The following SNRPN variants were observed in gnomAD, a reference collection of about 807,000 sequenced individuals.
SNRPN encodes the protein small nuclear ribonucleoprotein polypeptide N, also known as small nuclear ribonucleoprotein-associated protein N.
Under a neutral mutation model 25.2 loss-of-function variants are expected in SNRPN, and 7 were observed. The ratio of observed to expected loss-of-function variants is 0.28; its 90% CI spans 0.16 to 0.52. The LOEUF is 0.52. SNRPN is among the 20% of genes least tolerant of loss of function. SNRPN has a pLI of 0.96. For missense variants in SNRPN, 196 were observed against 322.5 expected (o/e 0.61, Z 3.00); for synonymous variants, 124 against 110.6 (o/e 1.12, Z -0.76).
At chr15:24,843,143 G>A (rs905080749) in intron 2 of SNRPN, among the ~76,000 whole-genome samples, 2 of 151,812 alleles carry the variant, frequency 1.3e-5, no homozygotes, top group African/African-American at 2.4e-5. Context: ...CTGCAACCTC[G>A]GCTCACTGCA....
chr15:24,849,327 A>G (rs1595449090), intron 2 of SNRPN: 1 of 152,230 alleles, frequency 6.6e-6, no homozygotes, highest in South Asian at 2.1e-4. Context: ...AACTGATCAT[A>G]CAATTACAAA....
intron 2 of SNRPN, among the ~76,000 whole-genome samples, chr15:24,912,791 T>G (rs559874680): frequency 4.6e-5 from 7 of 152,282 alleles, no homozygotes; most frequent in Non-Finnish European, 7.3e-5. Context: ...TCATGGCTCC[T>G]CCACAGGATG....
At chr15:24,902,751 C>A (rs1239033318) in intron 2 of SNRPN, among the ~76,000 whole-genome samples, 1 of 152,160 alleles carries the variant, frequency 6.6e-6, no homozygotes, top group Non-Finnish European at 1.5e-5. Context: ...CATGGTCTCG[C>A]CGGCTTCAGG....
chr15:24,908,056 A>G (rs1490644532), intron 2 of SNRPN, among the ~76,000 whole-genome samples: 1 of 71,456 alleles, frequency 1.4e-5, no homozygotes, highest in Non-Finnish European at 2.3e-5. Context: ...CCATCTCAAA[A>G]AAAAAAAAAA....
intron 3 of SNRPN, among the ~76,000 whole-genome samples, chr15:24,939,014 C>T (rs2061398644): frequency 6.6e-6 from 1 of 152,036 alleles, no homozygotes; most frequent in Admixed American, 6.6e-5. Context: ...AAAGCCAGAG[C>T]AACAAAAATA....
At chr15:24,833,569 G>A (rs958430804) in intron 2 of SNRPN, among the ~76,000 whole-genome samples, 1 of 152,068 alleles carries the variant, frequency 6.6e-6, no homozygotes, top group African/African-American at 2.4e-5. Flanking sequence ...ATTGCATAGG[G>A]AGGGAACCAC....
At chr15:24,955,205 C>G in intron 1 of SNRPN, 143 bp downstream of exon 1, 1 of 1,161,280 alleles carries the variant, frequency 8.6e-7, no homozygotes, top group Non-Finnish European at 1.3e-6. Context: ...AGAACCAGAT[C>G]CGGAATGTTC....
chr15:24,879,965 T>A (rs2056417620), intron 1 of SNRPN, among the ~76,000 whole-genome samples: 1 of 152,204 alleles, frequency 6.6e-6, no homozygotes, highest in African/African-American at 2.4e-5. Context: ...CCTGTTGAGT[T>A]AATCAGCAAC....
chr15:24,847,992 G>C (rs2052354095), intron 2 of SNRPN, among the ~76,000 whole-genome samples: 1 of 151,896 alleles, frequency 6.6e-6, no homozygotes, highest in Non-Finnish European at 1.5e-5. Flanking sequence ...AAGCCTTGAT[G>C]GGTTATTATT....
At chr15:24,906,391 C>T (rs1238998749) in intron 2 of SNRPN, among the ~76,000 whole-genome samples, 1 of 152,166 alleles carries the variant, frequency 6.6e-6, no homozygotes, top group Non-Finnish European at 1.5e-5. Context: ...CCTTGACCTC[C>T]CAAAGTGCTG....
intron 3 of SNRPN, among the ~76,000 whole-genome samples, chr15:24,932,146 TAC>T (rs1220643216): frequency 6.6e-6 from 1 of 152,144 alleles, no homozygotes; most frequent in Admixed American, 6.6e-5. Context: ...TTAAGGGGGA[TAC>T]AGTCAACCAG....
rs755883505 is a variant in SNRPN, at chr15:24,872,747, G to GAA, written c.-578-13749_-578-13748dup. Reference sequence around the variant, plus strand: ...GGCAATAAGAGTGAAACTCCGTCTCGAAAAAAAAAAAAAAAAAAAAAGCTG... The same window carrying GAA: ...GGCAATAAGAGTGAAACTCCGTCTCGAAAAAAAAAAAAAAAAAAAAAAAGCTG... On this transcript the variant is annotated intron_variant, in intron 1 of 11. Coordinates refer to the SNRPN transcript ENST00000400097. Among the ~76,000 whole-genome samples, 30 of 31,448 alleles carry GAA rather than the reference G, an allele frequency of 9.5e-4. 1 individual carries two copies. The South Asian group carries it at 0.02, about 21-fold the overall frequency. The allele number at this position is 31,448 out of a possible 152,430, so 20.6% of individuals were successfully genotyped here. A position where few individuals can be genotyped will look rare whatever the true frequency, so the allele number is the denominator to read the frequency against.
chr15:24,854,181 G>A (rs563339617), upstream of SNRPN, among the ~76,000 whole-genome samples: 117 of 152,230 alleles, frequency 7.7e-4, no homozygotes, highest in African/African-American at 8.7e-4. Flanking sequence ...GCATGAATCC[G>A]TTTATGAGGC....
chr15:24,935,983 C>T (rs985764940), intron 3 of SNRPN, among the ~76,000 whole-genome samples: 9 of 151,874 alleles, frequency 5.9e-5, no homozygotes, highest in African/African-American at 7.3e-5. Context: ...GGCATGGTAG[C>T]GCATGCCTGA....
intron 2 of SNRPN, among the ~76,000 whole-genome samples, chr15:24,906,646 G>A (rs924505559): frequency 6.6e-6 from 1 of 152,088 alleles, no homozygotes; most frequent in African/African-American, 2.4e-5. Context: ...CACTTCAGGG[G>A]GAAGAGGTCA....
intron 1 of SNRPN, among the ~76,000 whole-genome samples, chr15:24,876,859 A>G (rs2149254301): frequency 6.6e-6 from 1 of 152,318 alleles, no homozygotes; most frequent in Middle Eastern, 3.4e-3. Context: ...AAAAAAATTG[A>G]GACATCGCAA....
At chr15:24,844,857 T>G (rs781376013) in intron 2 of SNRPN, among the ~76,000 whole-genome samples, 1 of 152,148 alleles carries the variant, frequency 6.6e-6, no homozygotes, top group African/African-American at 2.4e-5. Flanking sequence ...TGCTTAATAT[T>G]TATTCCCTAC....
intron 2 of SNRPN, among the ~76,000 whole-genome samples, chr15:24,835,990 G>T (rs1273284709): frequency 6.6e-6 from 1 of 151,974 alleles, no homozygotes; most frequent in Non-Finnish European, 1.5e-5. Flanking sequence ...AATATGCTAC[G>T]GCTACCATAA....
chr15:24,956,717 T>C (rs554032762), intron 1 of SNRPN, among the ~76,000 whole-genome samples: 1 of 152,078 alleles, frequency 6.6e-6, no homozygotes, highest in Admixed American at 6.5e-5. Context: ...AGGAGGGAGA[T>C]GGGTTGGCGC....
Sources: allele counts gnomAD v4.1 joint callset (sites outside exome capture counted in the v4.1 genomes callset), GRCh38; gene constraint gnomAD v4.1.1; transcripts MANE v1.5; gene names NCBI Gene and HGNC (gene_info 2026-07-23, HGNC 2026-07-21).